The following LANCL3 variants were observed in gnomAD, a reference collection of about 807,000 sequenced individuals.
LANCL3 encodes LanC like family member 3.
Under a neutral mutation model 26.5 loss-of-function variants are expected in LANCL3, and 19 were observed. The ratio of observed to expected loss-of-function variants is 0.72; its 90% CI spans 0.50 to 1.05. The LOEUF (loss-of-function observed/expected upper bound fraction) is 1.05, where lower values mean the gene tolerates loss of function less well. Ranked by LOEUF, LANCL3 falls within the 50% of genes least tolerant of loss-of-function variation. The pLI, the probability that LANCL3 is intolerant of heterozygous loss-of-function variation, is 0.00. For synonymous variants in LANCL3, 160 were observed against 166.6 expected (o/e 0.96, Z 0.30); for missense variants, 318 against 362.7 (o/e 0.88, Z 1.00).
At chrX:37,666,327 A>G (rs1926546227) in intron 3 of LANCL3, among the ~76,000 whole-genome samples, 1 of 112,087 alleles carries the variant, frequency 8.9e-6, no homozygotes, top group Non-Finnish European at 1.9e-5. Context: ...AGGGAAGTCA[A>G]CCTCTACCAG....
intron 1 of LANCL3, among the ~76,000 whole-genome samples, chrX:37,604,325 G>GTGC (rs1369600591): frequency 1.8e-5 from 2 of 112,278 alleles, no homozygotes; most frequent in Non-Finnish European, 3.8e-5. Context: ...GTCCTATGAG[G>GTGC]TGCTGTAAGA....
At chrX:37,664,027 T>G (rs1926482685) in intron 3 of LANCL3, among the ~76,000 whole-genome samples, 1 of 111,766 alleles carries the variant, frequency 8.9e-6, no homozygotes. Context: ...CTGTGAGGGG[T>G]GGCTGCATAG....
intron 1 of LANCL3, among the ~76,000 whole-genome samples, chrX:37,602,434 T>C (rs1569463519): frequency 8.9e-6 from 1 of 112,134 alleles, no homozygotes; most frequent in Non-Finnish European, 1.9e-5. Context: ...CAAGATTCCA[T>C]TTTTGATAAG....
chrX:37,614,061 TCCCAGGACA>T (rs1223558387), intron 1 of LANCL3, among the ~76,000 whole-genome samples: 1 of 112,182 alleles, frequency 8.9e-6, no homozygotes, highest in African/African-American at 3.2e-5. Context: ...TGCCAGTTCA[TCCCAGGACA>T]CCCAGGACAC....
chrX:37,617,395 T>C (rs1925038592), intron 1 of LANCL3, among the ~76,000 whole-genome samples: 1 of 111,416 alleles, frequency 9.0e-6, no homozygotes, highest in African/African-American at 3.3e-5. Flanking sequence ...ACCTCTTGCT[T>C]TCTGCCTTAT....
At chrX:37,588,446 G>A (rs368218252) in intron 1 of LANCL3, among the ~76,000 whole-genome samples, 29 of 110,999 alleles carry the variant, frequency 2.6e-4, no homozygotes, top group Admixed American at 2.4e-3. Flanking sequence ...ACACACACAC[G>A]CACACAGATA....
At chrX:37,591,834 G>A (rs1297175203) in intron 1 of LANCL3, among the ~76,000 whole-genome samples, 1 of 109,361 alleles carries the variant, frequency 9.1e-6, no homozygotes, top group Non-Finnish European at 1.9e-5. Context: ...GCAGGTGAGA[G>A]TTGTTAGAAG....
At chrX:37,632,682 GT>G (rs1925562378) in intron 1 of LANCL3, among the ~76,000 whole-genome samples, 1 of 110,605 alleles carries the variant, frequency 9.0e-6, no homozygotes, top group Non-Finnish European at 1.9e-5. Context: ...TTGCTTGTCT[GT>G]AAAGTATTTT....
intron 1 of LANCL3, among the ~76,000 whole-genome samples, chrX:37,611,439 T>C (rs1175360396): frequency 9.0e-6 from 1 of 111,281 alleles, no homozygotes; most frequent in Non-Finnish European, 1.9e-5. Flanking sequence ...ACTCCATCCT[T>C]GCCACGAATG....
intron 1 of LANCL3, among the ~76,000 whole-genome samples, chrX:37,586,828 C>G (rs782437829): frequency 4.5e-5 from 5 of 111,831 alleles, no homozygotes; most frequent in African/African-American, 9.8e-5. Flanking sequence ...AGCTTTATTC[C>G]GTTGCTGGTG....
intron 1 of LANCL3, among the ~76,000 whole-genome samples, chrX:37,643,495 A>ATG (rs1556426203): frequency 1.2e-4 from 13 of 112,145 alleles, no homozygotes; most frequent in Non-Finnish European, 2.3e-4. Flanking sequence ...AGGTCCAGAG[A>ATG]AGTTGCATGA....
At chrX:37,614,721 T>C (rs1272954450) in intron 1 of LANCL3, among the ~76,000 whole-genome samples, 1 of 112,278 alleles carries the variant, frequency 8.9e-6, no homozygotes, top group African/African-American at 3.2e-5. Context: ...TGGATACTTC[T>C]GAAAGACTTG....
intron 1 of LANCL3, among the ~76,000 whole-genome samples, chrX:37,622,547 G>C (rs947302315): frequency 9.0e-6 from 1 of 111,415 alleles, no homozygotes; most frequent in Non-Finnish European, 1.9e-5. Context: ...GTTATCATCT[G>C]GTAGCACAAA....
At chrX:37,643,355 A>G (rs1925914505) in intron 1 of LANCL3, among the ~76,000 whole-genome samples, 1 of 112,352 alleles carries the variant, frequency 8.9e-6, no homozygotes, top group African/African-American at 3.2e-5. Context: ...TTAAAGAATT[A>G]CAGCCCAAAT....
At chrX:37,663,023 G>A (rs1369508078) in intron 3 of LANCL3, among the ~76,000 whole-genome samples, 2 of 111,326 alleles carry the variant, frequency 1.8e-5, no homozygotes, top group African/African-American at 6.5e-5. Flanking sequence ...TCATGGCCTG[G>A]TACAGCAATT....
intron 1 of LANCL3, among the ~76,000 whole-genome samples, chrX:37,602,658 T>C (rs1229865074): frequency 2.7e-5 from 3 of 111,751 alleles, no homozygotes; most frequent in Non-Finnish European, 5.6e-5. Flanking sequence ...ATTTTATACA[T>C]AGATGAGCCT....
intron 3 of LANCL3, among the ~76,000 whole-genome samples, chrX:37,665,055 C>T (rs1926514651): frequency 8.9e-6 from 1 of 111,827 alleles, no homozygotes; most frequent in South Asian, 3.7e-4. Context: ...TTTCTGCTAA[C>T]ATAACCAGCT....
intron 1 of LANCL3, among the ~76,000 whole-genome samples, chrX:37,632,001 G>A (rs1352989305): frequency 1.8e-5 from 2 of 110,375 alleles, no homozygotes; most frequent in Non-Finnish European, 3.8e-5. Flanking sequence ...CAATTCCTGG[G>A]TATCCTTGTT....
chrX:37,588,944 C>T (rs138713387), intron 1 of LANCL3, among the ~76,000 whole-genome samples: 2,069 of 111,417 alleles, frequency 0.019, 67 homozygotes, highest in African/African-American at 0.065. Flanking sequence ...GTGTTGAAAT[C>T]TGGTGTCTAT....
Sources: allele counts gnomAD v4.1 joint callset (sites outside exome capture counted in the v4.1 genomes callset), GRCh38; gene constraint gnomAD v4.1.1; transcripts MANE v1.5; gene names NCBI Gene and HGNC (gene_info 2026-07-23, HGNC 2026-07-21).